Variants in PCDH11Y observed in about 807,000 individuals in gnomAD.
The protein encoded by PCDH11Y is protocadherin-11 Y-linked.
For synonymous variants in PCDH11Y, 9 were observed against 83.6 expected, an observed-to-expected ratio of 0.11 and a Z score of 4.87; for missense variants, 12 against 224.8, an observed-to-expected ratio of 0.05 and a Z score of 6.05.
intron 2 of PCDH11Y, among the ~76,000 whole-genome samples, chrY:5,272,473 G>A: frequency 3.1e-5 from 1 of 32,547 alleles, no homozygotes; most frequent in Non-Finnish European, 7.5e-5. Context: ...GAGCCACTTT[G>A]GATTACCCAT....
chrY:5,438,448 G>A, intron 2 of PCDH11Y, among the ~76,000 whole-genome samples: 4 of 33,105 alleles, frequency 1.2e-4, no homozygotes, highest in African/African-American at 4.7e-4. Context: ...AAGGCAATAA[G>A]TTAATTTGAT....
intron 2 of PCDH11Y, among the ~76,000 whole-genome samples, chrY:5,354,550 G>A (rs2124670704): frequency 6.2e-5 from 2 of 32,507 alleles, no homozygotes; most frequent in Non-Finnish European, 1.5e-4. Context: ...TGTACTTTTC[G>A]TGAGTAAATG....
intron 3 of PCDH11Y, among the ~76,000 whole-genome samples, chrY:5,547,621 A>G (rs2053414586): frequency 3.1e-5 from 1 of 32,564 alleles, no homozygotes; most frequent in African/African-American, 1.2e-4. Context: ...TTAAAAACGT[A>G]TATTCACTTA....
intron 2 of PCDH11Y, among the ~76,000 whole-genome samples, chrY:5,462,853 C>G: frequency 3.1e-5 from 1 of 32,072 alleles, no homozygotes; most frequent in Non-Finnish European, 7.6e-5. Flanking sequence ...TCAGGTTGGT[C>G]TCGAACTCCT....
intron 2 of PCDH11Y, among the ~76,000 whole-genome samples, chrY:5,131,170 A>G: frequency 3.1e-5 from 1 of 32,700 alleles, no homozygotes; most frequent in Non-Finnish European, 7.5e-5. Flanking sequence ...TATTAAAGCT[A>G]TTTTATTGTT....
intron 2 of PCDH11Y, among the ~76,000 whole-genome samples, chrY:5,123,293 G>GATAT (rs2052821236): frequency 3.0e-5 from 1 of 33,135 alleles, no homozygotes; most frequent in Non-Finnish European, 7.4e-5. Flanking sequence ...ATGTGACTGG[G>GATAT]ATATAACAGG....
chrY:5,328,385 C>A (rs1602905358), intron 2 of PCDH11Y, among the ~76,000 whole-genome samples: 4 of 33,485 alleles, frequency 1.2e-4, no homozygotes, highest in Non-Finnish European at 2.9e-4. Context: ...TGTTATTGCA[C>A]ACCTTGAAGG....
intron 2 of PCDH11Y, among the ~76,000 whole-genome samples, chrY:5,284,164 C>A (rs2053057267): frequency 3.1e-5 from 1 of 32,627 alleles, no homozygotes; most frequent in African/African-American, 1.2e-4. Context: ...GATTCTAAAC[C>A]AAAGAAATTC....
chrY:5,483,270 A>C, intron 2 of PCDH11Y, among the ~76,000 whole-genome samples: 2 of 26,700 alleles, frequency 7.5e-5, no homozygotes, highest in African/African-American at 3.0e-4. Context: ...GTATTAGAAG[A>C]TGTTTATGTG....
intron 4 of PCDH11Y, among the ~76,000 whole-genome samples, chrY:5,671,226 T>C (rs1602958281): frequency 1.5e-4 from 4 of 26,933 alleles, no homozygotes; most frequent in Admixed American, 3.4e-4. Flanking sequence ...TTTTTTTTTT[T>C]CCCTCAGGAT....
intron 2 of PCDH11Y, among the ~76,000 whole-genome samples, chrY:5,341,998 C>T (rs2053146199): frequency 6.3e-5 from 2 of 31,697 alleles, no homozygotes; most frequent in African/African-American, 2.5e-4. Context: ...CGCAAATACT[C>T]TCTTTATTCT....
chrY:5,704,659 GA>G (rs2053581544), intron 4 of PCDH11Y, among the ~76,000 whole-genome samples: 12 of 31,196 alleles, frequency 3.8e-4, no homozygotes, highest in Non-Finnish European at 9.3e-4. Flanking sequence ...TCGATCTCCT[GA>G]CCTCATGATC....
intron 4 of PCDH11Y, among the ~76,000 whole-genome samples, chrY:5,597,066 C>T (rs2053467498): frequency 3.2e-5 from 1 of 31,260 alleles, no homozygotes; most frequent in African/African-American, 1.3e-4. Flanking sequence ...CTTTGTCATA[C>T]ATATATCTTG....
intron 3 of PCDH11Y, among the ~76,000 whole-genome samples, chrY:5,521,130 T>G: frequency 9.0e-5 from 3 of 33,504 alleles, no homozygotes; most frequent in Non-Finnish European, 1.5e-4. Flanking sequence ...CCTACACTTT[T>G]GCAGATACTG....
intron 1 of PCDH11Y, among the ~76,000 whole-genome samples, chrY:5,029,901 C>T (rs2052586438): frequency 5.3e-5 from 1 of 18,987 alleles, no homozygotes; most frequent in Non-Finnish European, 1.1e-4. Flanking sequence ...CCAGCCTGGG[C>T]GACAGAGCTA....
intron 2 of PCDH11Y, among the ~76,000 whole-genome samples, chrY:5,348,852 A>G: frequency 3.0e-5 from 1 of 32,917 alleles, no homozygotes; most frequent in Non-Finnish European, 7.4e-5. Context: ...AGTACAAGCC[A>G]GGTGTGGTAG....
intron 3 of PCDH11Y, among the ~76,000 whole-genome samples, chrY:5,525,379 G>A: frequency 4.0e-5 from 1 of 24,962 alleles, no homozygotes; most frequent in Non-Finnish European, 9.2e-5. Flanking sequence ...AGATTTCCCC[G>A]TTGCCAAAAT....
downstream of PCDH11Y, among the ~76,000 whole-genome samples, chrY:5,102,457 G>A (rs2563398): frequency 3.1e-5 from 1 of 32,669 alleles, no homozygotes; most frequent in African/African-American, 1.2e-4. Context: ...TGTGAATTAC[G>A]TATGTAGATC....
intron 2 of PCDH11Y, among the ~76,000 whole-genome samples, chrY:5,229,319 T>C (rs2052964824): frequency 6.7e-5 from 1 of 14,889 alleles, no homozygotes; most frequent in African/African-American, 2.8e-4. Context: ...TTTTTTTTTT[T>C]TTTTTTTTTT....
Sources: gnomAD v4.1 joint callset for allele counts (sites outside exome capture counted in the v4.1 genomes callset) on GRCh38, gnomAD v4.1.1 for gene constraint, MANE v1.5 for transcripts, NCBI Gene and HGNC (gene_info 2026-07-23, HGNC 2026-07-21) for gene names.